The following CCL24 variants were observed in gnomAD, a reference collection of about 807,000 sequenced individuals.
The protein encoded by CCL24 is C-C motif chemokine 24.
A neutral mutation model predicts 8.6 loss-of-function variants in CCL24; 6 were observed. The ratio of observed to expected loss-of-function variants is 0.70; its 90% CI spans 0.38 to 1.38. CCL24 has a LOEUF of 1.38. Ranked by LOEUF, CCL24 falls within the 40% of genes most tolerant of loss-of-function variation. The probability of loss-of-function intolerance (pLI) is 0.02; values close to 1 mark genes in which losing one functional copy is unlikely to be tolerated. For synonymous variants in CCL24, 59 were observed against 52.7 expected, an observed-to-expected ratio of 1.12 and a Z score of -0.52; for missense variants, 126 against 147.1, an observed-to-expected ratio of 0.86 and a Z score of 0.74.
intron 1 of CCL24, among the ~76,000 whole-genome samples, chr7:75,820,076 CTT>C (rs1491146631): frequency 2.2e-5 from 3 of 139,054 alleles, no homozygotes; most frequent in African/African-American, 5.1e-5. Flanking sequence ...TCTTCTTCTT[CTT>C]CTTCTTCTTC....
At chr7:75,815,117 T>C (rs1207862633), upstream of CCL24, among the ~76,000 whole-genome samples, 3 of 151,568 alleles carry the variant, frequency 2.0e-5, no homozygotes, top group Non-Finnish European at 4.4e-5. Flanking sequence ...GGCGGGAGGA[T>C]TGACTGAGGC....
upstream of CCL24, among the ~76,000 whole-genome samples, chr7:75,814,566 T>TA (rs1554533864): frequency 6.6e-6 from 1 of 151,492 alleles, no homozygotes; most frequent in Admixed American, 6.6e-5. Flanking sequence ...CACCCTGTCT[T>TA]AAAATCAATC....
chr7:75,820,354 T>G (rs1404862212), intron 1 of CCL24, among the ~76,000 whole-genome samples: 1 of 151,984 alleles, frequency 6.6e-6, no homozygotes, highest in Non-Finnish European at 1.5e-5. Flanking sequence ...AATTTTTTTG[T>G]ACTTTTAGTG....
At chr7:75,818,408 C>T (rs1439372632), upstream of CCL24, among the ~76,000 whole-genome samples, 1 of 148,036 alleles carries the variant, frequency 6.8e-6, no homozygotes, top group East Asian at 2.0e-4. Flanking sequence ...GATCGCACCA[C>T]TGCACTCCAG....
chr7:75,814,179 T>A (rs1272012206), upstream of CCL24, among the ~76,000 whole-genome samples: 1 of 152,140 alleles, frequency 6.6e-6, no homozygotes, highest in Non-Finnish European at 1.5e-5. Context: ...CATTCATTCA[T>A]TCACCCAATT....
At chr7:75,817,662 C>T (rs1172782427), upstream of CCL24, among the ~76,000 whole-genome samples, 1 of 151,270 alleles carries the variant, frequency 6.6e-6, no homozygotes, top group African/African-American at 2.4e-5. Context: ...ATCACCACAC[C>T]CAGCTAGTTT....
intron 1 of CCL24, 105 bp from the exon 2 acceptor site, chr7:75,813,528 C>T (rs1803821311): frequency 8.0e-7 from 1 of 1,252,356 alleles, no homozygotes; most frequent in Non-Finnish European, 1.2e-6. Context: ...CCAGTCCATT[C>T]ACTGGGCCAC....
chr7:75,812,944 C>T (rs955134726), intron 2 of CCL24, among the ~76,000 whole-genome samples: 7 of 146,368 alleles, frequency 4.8e-5, no homozygotes, highest in African/African-American at 1.8e-4. Context: ...AAAAAAAAAT[C>T]CTCCTCCTGG....
chr7:75,818,982 A>T (rs915392118), intron 1 of CCL24, among the ~76,000 whole-genome samples: 4 of 150,430 alleles, frequency 2.7e-5, no homozygotes, highest in Admixed American at 2.7e-4. Flanking sequence ...TCCCTAAGGT[A>T]AGAAATATGA....
upstream of CCL24, among the ~76,000 whole-genome samples, chr7:75,817,792 C>A (rs532046640): frequency 2.5e-4 from 38 of 151,684 alleles, no homozygotes; most frequent in South Asian, 7.9e-3. Flanking sequence ...CATGAGCCAC[C>A]GCACTGGGCC....
Position 75,813,353 on chromosome 7 carries a change from G to C in CCL24, c.144C>G (p.Val48=). The C allele has an allele frequency of 2.5e-6, 4 of 1,613,622 alleles. No homozygotes were observed. The highest frequency in any genetic ancestry group is 3.4e-6 in the Non-Finnish European group (4 of 1,179,742). ...VSKRIPENRV[V]SYQLSSRSTC... ...TGCTCCTGCTGGACAGCTGGTAGCT[G>C]ACCACTCGGTTCTCAGGAATTCTCT... Residue 48 remains valine (V), a synonymous_variant, in exon 2 of 3, where the codon GTC becomes GTG. Coordinates refer to ENST00000222902, the MANE Select transcript of CCL24 (RefSeq NM_002991.3).
upstream of CCL24, among the ~76,000 whole-genome samples, chr7:75,817,506 A>AAT (rs1554534299): frequency 7.0e-6 from 1 of 143,614 alleles, no homozygotes; most frequent in Admixed American, 7.0e-5. Context: ...AAAATATCCA[A>AAT]TTTTTTTTTT....
At chr7:75,820,047 T>G (rs1019150679) in intron 1 of CCL24, among the ~76,000 whole-genome samples, 3 of 138,486 alleles carry the variant, frequency 2.2e-5, no homozygotes, top group African/African-American at 7.9e-5. Context: ...CTTCTTCTTC[T>G]TCTTCTTCTT....
upstream of CCL24, among the ~76,000 whole-genome samples, chr7:75,816,768 G>A (rs374928317): frequency 4.8e-4 from 73 of 150,798 alleles, no homozygotes; most frequent in African/African-American, 1.8e-3. Context: ...CACTAGGTTG[G>A]TCAGGCTGGT....
chr7:75,814,202 T>C (rs1803837036), upstream of CCL24, among the ~76,000 whole-genome samples: 1 of 152,128 alleles, frequency 6.6e-6, no homozygotes, highest in South Asian at 2.1e-4. Flanking sequence ...TTATTAGGCA[T>C]GTGGTCTGTG....
upstream of CCL24, among the ~76,000 whole-genome samples, chr7:75,817,984 C>T (rs958014986): frequency 1.3e-5 from 2 of 151,940 alleles, no homozygotes; most frequent in Non-Finnish European, 2.9e-5. Flanking sequence ...ATGCACACCA[C>T]CATGCCTGGC....
chr7:75,814,790 G>A (rs1803852627), upstream of CCL24, among the ~76,000 whole-genome samples: 1 of 152,042 alleles, frequency 6.6e-6, no homozygotes, highest in Admixed American at 6.6e-5. Context: ...GTCTGCCAGA[G>A]GGATGCCGAC....
chr7:75,818,846 G>A (rs141313756), intron 1 of CCL24, among the ~76,000 whole-genome samples: 28 of 151,904 alleles, frequency 1.8e-4, no homozygotes, highest in African/African-American at 6.5e-4. Flanking sequence ...CCCAAGTGTA[G>A]GACCACCAGC....
upstream of CCL24, among the ~76,000 whole-genome samples, chr7:75,817,596 G>A (rs1446444741): frequency 3.3e-5 from 5 of 150,016 alleles, no homozygotes; most frequent in East Asian, 9.9e-4. Flanking sequence ...TCAACCTCCC[G>A]GGTTCAAGCA....
Sources: gnomAD v4.1 joint callset for allele counts (sites outside exome capture counted in the v4.1 genomes callset) on GRCh38, gnomAD v4.1.1 for gene constraint, MANE v1.5 for transcripts, NCBI Gene and HGNC (gene_info 2026-07-23, HGNC 2026-07-21) for gene names.